Variants in SND1 observed in about 807,000 individuals in gnomAD.
The protein encoded by SND1 is staphylococcal nuclease and tudor domain containing 1, also known as staphylococcal nuclease domain-containing protein 1.
In SND1, 38 loss-of-function variants were observed where a neutral mutation model predicts 121.7. The ratio of observed to expected loss-of-function variants is 0.31; its 90% CI spans 0.24 to 0.41. SND1 has a LOEUF of 0.41. SND1 is among the 10% of genes least tolerant of loss of function. The probability of loss-of-function intolerance (pLI) is 1.00; values close to 1 mark genes in which losing one functional copy is unlikely to be tolerated. For synonymous variants in SND1, 401 were observed against 447.4 expected (o/e 0.90, Z 1.31); for missense variants, 868 against 1,184.6 (o/e 0.73, Z 3.92).
At chr7:128,074,009 C>G (rs146546779) in intron 16 of SND1, among the ~76,000 whole-genome samples, 1 of 152,200 alleles carries the variant, frequency 6.6e-6, no homozygotes, top group African/African-American at 2.4e-5. Flanking sequence ...TCCTCTCCCC[C>G]TCTCCTCTCC....
At chr7:127,799,257 G>GT (rs1186470131) in intron 10 of SND1, among the ~76,000 whole-genome samples, 1 of 152,174 alleles carries the variant, frequency 6.6e-6, no homozygotes, top group Non-Finnish European at 1.5e-5. Flanking sequence ...AGCCTCTGGG[G>GT]TACCTGGGAT....
chr7:127,874,088 C>T (rs1799645401), intron 12 of SND1, among the ~76,000 whole-genome samples: 1 of 152,242 alleles, frequency 6.6e-6, no homozygotes, highest in East Asian at 1.9e-4. Flanking sequence ...AGGGGCAGGA[C>T]ACCACTGTAA....
At chr7:127,922,827 GCT>G (rs1800747161) in intron 14 of SND1, among the ~76,000 whole-genome samples, 1 of 152,162 alleles carries the variant, frequency 6.6e-6, no homozygotes, top group Non-Finnish European at 1.5e-5. Context: ...CCAGCTTAAT[GCT>G]CCTACAGATG....
intron 13 of SND1, among the ~76,000 whole-genome samples, chr7:127,894,882 T>C (rs1446531414): frequency 6.6e-6 from 1 of 151,836 alleles, no homozygotes; most frequent in African/African-American, 2.4e-5. Flanking sequence ...ACAAAAAAGA[T>C]AATAGACTCA....
intron 15 of SND1, among the ~76,000 whole-genome samples, chr7:127,946,349 T>A (rs1303824633): frequency 6.6e-6 from 1 of 152,222 alleles, no homozygotes; most frequent in Non-Finnish European, 1.5e-5. Flanking sequence ...AGCAAAGTCC[T>A]AAGCCAGTTA....
At chr7:127,827,367 A>T (rs971546366) in intron 11 of SND1, among the ~76,000 whole-genome samples, 3 of 152,324 alleles carry the variant, frequency 2.0e-5, no homozygotes, top group African/African-American at 7.2e-5. Flanking sequence ...TCCTATGCAG[A>T]TACATTTTGT....
chr7:127,816,523 TA>T (rs1798444288), intron 11 of SND1, among the ~76,000 whole-genome samples: 1 of 152,152 alleles, frequency 6.6e-6, no homozygotes, highest in African/African-American at 2.4e-5. Flanking sequence ...CTCTGAAAGG[TA>T]TTTGCTCAAT....
intron 16 of SND1, among the ~76,000 whole-genome samples, chr7:128,048,851 C>T (rs1648203508): frequency 6.6e-6 from 1 of 152,196 alleles, no homozygotes; most frequent in Non-Finnish European, 1.5e-5. Context: ...TTCTCTACCC[C>T]ACTGGCTCTT....
intron 1 of SND1, among the ~76,000 whole-genome samples, chr7:127,675,242 C>T (rs1308345252): frequency 6.6e-6 from 1 of 152,056 alleles, no homozygotes; most frequent in Admixed American, 6.5e-5. Context: ...CTTATTAAAA[C>T]ATGTTTCTTC....
chr7:128,075,156 T>C (rs1265831996), intron 17 of SND1, among the ~76,000 whole-genome samples: 1 of 152,208 alleles, frequency 6.6e-6, no homozygotes, highest in Non-Finnish European at 1.5e-5. Context: ...ACAAGAGATT[T>C]ATAGCCCATC....
At chr7:127,728,900 G>A (rs1044891742) in intron 10 of SND1, among the ~76,000 whole-genome samples, 4 of 152,066 alleles carry the variant, frequency 2.6e-5, no homozygotes, top group South Asian at 2.1e-4. Flanking sequence ...CCGGAGGGAG[G>A]TTTTACACTC....
At chr7:127,834,041 A>G (rs980719840) in intron 11 of SND1, among the ~76,000 whole-genome samples, 2 of 152,130 alleles carry the variant, frequency 1.3e-5, no homozygotes, top group South Asian at 2.1e-4. Context: ...TCCTTTTTAA[A>G]GCTGAATAAC....
chr7:127,733,821 C>G (rs755934787), intron 10 of SND1, among the ~76,000 whole-genome samples: 2 of 152,102 alleles, frequency 1.3e-5, no homozygotes, highest in Non-Finnish European at 2.9e-5. Flanking sequence ...TCTCTCCCTC[C>G]CCTCCCTCTA....
chr7:128,013,910 T>A (rs1483982341), intron 16 of SND1, among the ~76,000 whole-genome samples: 1 of 152,210 alleles, frequency 6.6e-6, no homozygotes, highest in African/African-American at 2.4e-5. Context: ...TAGAGAGAAA[T>A]AACCTATTTG....
chr7:127,730,534 CCTTT>C (rs1796657141), intron 10 of SND1, among the ~76,000 whole-genome samples: 1 of 152,164 alleles, frequency 6.6e-6, no homozygotes, highest in Non-Finnish European at 1.5e-5. Flanking sequence ...AGAAATATCC[CCTTT>C]ATGTGTGTTC....
intron 10 of SND1, among the ~76,000 whole-genome samples, chr7:127,737,659 G>A (rs1314888642): frequency 6.6e-6 from 1 of 152,210 alleles, no homozygotes; most frequent in Non-Finnish European, 1.5e-5. Flanking sequence ...GTCTAAAGTG[G>A]TTGGGACCAG....
intron 3 of SND1, among the ~76,000 whole-genome samples, chr7:127,696,077 AT>A (rs969266803): frequency 1.3e-5 from 2 of 152,160 alleles, no homozygotes; most frequent in African/African-American, 2.4e-5. Context: ...GTGGAGCAGA[AT>A]TTTTTTTAAG....
At chr7:128,072,756 G>A (rs1028358261) in intron 16 of SND1, among the ~76,000 whole-genome samples, 5 of 152,078 alleles carry the variant, frequency 3.3e-5, no homozygotes, top group African/African-American at 9.7e-5. Flanking sequence ...CAGTCTTCCA[G>A]TGGCCAAGCT....
intron 11 of SND1, among the ~76,000 whole-genome samples, chr7:127,817,857 G>A (rs1282990746): frequency 6.6e-6 from 1 of 150,846 alleles, no homozygotes; most frequent in African/African-American, 2.4e-5. Context: ...TAGTTCCCAG[G>A]TCTGACCTTC....
Sources: gnomAD v4.1 joint callset for allele counts (sites outside exome capture counted in the v4.1 genomes callset) on GRCh38, gnomAD v4.1.1 for gene constraint, MANE v1.5 for transcripts, NCBI Gene and HGNC (gene_info 2026-07-23, HGNC 2026-07-21) for gene names.